Variants in DGKG observed in about 807,000 individuals in gnomAD.
The protein encoded by DGKG is DAG kinase gamma.
A neutral mutation model predicts 105.3 loss-of-function variants in DGKG; 78 were observed. The observed-to-expected ratio is 0.74, with a 90% CI of 0.62 to 0.89. The LOEUF is 0.89. DGKG is among the 40% of genes least tolerant of loss of function. The pLI, the probability that DGKG is intolerant of heterozygous loss-of-function variation, is 0.00. For synonymous variants in DGKG, 346 were observed against 367.1 expected, an observed-to-expected ratio of 0.94 and a Z score of 0.66; for missense variants, 958 against 1,020.1, an observed-to-expected ratio of 0.94 and a Z score of 0.83.
At chr3:186,281,890 C>T (rs1043881965) in intron 7 of DGKG, among the ~76,000 whole-genome samples, 1 of 152,180 alleles carries the variant, frequency 6.6e-6, no homozygotes, top group Admixed American at 6.5e-5. Context: ...CCTGGTCAGG[C>T]CACATTTGGA....
chr3:186,323,798 G>A (rs189165162), intron 1 of DGKG, among the ~76,000 whole-genome samples: 4 of 152,126 alleles, frequency 2.6e-5, no homozygotes, highest in Non-Finnish European at 4.4e-5. Context: ...TTAGCCAGGC[G>A]TGGTGGTGGG....
At chr3:186,315,230 A>G (rs1051604203) in intron 2 of DGKG, among the ~76,000 whole-genome samples, 4 of 152,178 alleles carry the variant, frequency 2.6e-5, no homozygotes, top group Non-Finnish European at 5.9e-5. Context: ...GGCAGATTTG[A>G]CCACTAGTAA....
chr3:186,297,261 G>A (rs1237083400), intron 5 of DGKG, among the ~76,000 whole-genome samples, 160 bp downstream of exon 5: 2 of 152,124 alleles, frequency 1.3e-5, no homozygotes, highest in Non-Finnish European at 2.9e-5. Context: ...CAAATGACAG[G>A]AGCCCCAGAG....
intron 16 of DGKG, 124 bp downstream of exon 16, chr3:186,260,315 G>A (rs755311467): frequency 5.8e-5 from 41 of 709,876 alleles, no homozygotes; most frequent in Non-Finnish European, 9.4e-5. Context: ...CAGAGAAAGG[G>A]AGTAAAATGG....
At position 186,203,906 on chromosome 3, in the gene DGKG, G is replaced by C. The variant is rs1348237143; in HGVS notation, c.1917+7889C>G. The stretch of plus-strand genomic sequence containing the variant: ...CTCTACCTGTGGTAGCTGAGAAGAA[G>C]GTTCAGATCATATCAGGAGAGACCA... On this transcript the variant is annotated intron_variant, in intron 21 of 24. Transcript: ENST00000265022. The surrounding 1 kb of genome is among the most constrained non-coding windows in gnomAD (Gnocchi z 4.9). Among the ~76,000 whole-genome samples the C allele has an allele frequency of 6.6e-6, 1 of 152,084 alleles. No individual in the cohort carries two copies. The highest frequency in any genetic ancestry group is 1.9e-4 in the East Asian group (1 of 5,196).
chr3:186,328,379 G>C (rs180733053), intron 1 of DGKG, among the ~76,000 whole-genome samples: 103 of 152,212 alleles, frequency 6.8e-4, no homozygotes, highest in Admixed American at 2.6e-3. Context: ...AGATTTATGG[G>C]GTCATCTAAT....
chr3:186,353,443 T>C (rs1335988010), intron 1 of DGKG, among the ~76,000 whole-genome samples: 6 of 151,690 alleles, frequency 4.0e-5, no homozygotes, highest in Non-Finnish European at 7.4e-5. Flanking sequence ...TCCTTGAACC[T>C]GGGACGCAGA....
At chr3:186,267,910 G>T in intron 12 of DGKG, 133 bp from the exon 13 acceptor site, 1 of 750,718 alleles carries the variant, frequency 1.3e-6, no homozygotes, top group Non-Finnish European at 2.3e-6. Flanking sequence ...GGCTTTGACA[G>T]TATTGCCGTG....
intron 22 of DGKG, among the ~76,000 whole-genome samples, chr3:186,169,259 G>C (rs1716702581): frequency 6.6e-6 from 1 of 152,140 alleles, no homozygotes; most frequent in South Asian, 2.1e-4. Flanking sequence ...AAACTTACTT[G>C]TATAGCATTC....
chr3:186,331,475 G>T (rs1375110911), intron 1 of DGKG, among the ~76,000 whole-genome samples: 3 of 152,224 alleles, frequency 2.0e-5, no homozygotes. Flanking sequence ...AAAGTCTTGG[G>T]ATTGCATTCT....
At chr3:186,275,487 C>A in intron 10 of DGKG, 60 bp downstream of exon 10, 5 of 1,416,862 alleles carry the variant, frequency 3.5e-6, no homozygotes, top group African/African-American at 1.4e-5. Flanking sequence ...AATGGATCAA[C>A]CAACCATGCG....
intron 1 of DGKG, among the ~76,000 whole-genome samples, chr3:186,330,357 T>C (rs539759765): frequency 6.6e-6 from 1 of 152,358 alleles, no homozygotes; most frequent in African/African-American, 2.4e-5. Flanking sequence ...ACTGTCACTA[T>C]TGTGGTCGTC....
chr3:186,323,904 T>C (rs1235876446), intron 1 of DGKG, among the ~76,000 whole-genome samples: 1 of 131,896 alleles, frequency 7.6e-6, no homozygotes, highest in Admixed American at 8.9e-5. Context: ...GCCACTGCAC[T>C]CCAGCCTGGG....
intron 24 of DGKG, among the ~76,000 whole-genome samples, chr3:186,156,128 T>C (rs1045686663): frequency 5.3e-5 from 8 of 152,220 alleles, no homozygotes; most frequent in African/African-American, 1.9e-4. Flanking sequence ...TTTTGACTTG[T>C]AGAAATTAAA....
intron 11 of DGKG, among the ~76,000 whole-genome samples, chr3:186,269,674 C>T (rs16860647): frequency 0.031 from 4,793 of 152,180 alleles, 263 homozygotes; most frequent in African/African-American, 0.11. Flanking sequence ...GTAATTATAA[C>T]GTGAAGCCGA....
chr3:186,184,243 G>A (rs1194791437), intron 22 of DGKG, among the ~76,000 whole-genome samples: 1 of 152,070 alleles, frequency 6.6e-6, no homozygotes. Flanking sequence ...ACTTAGGGTG[G>A]TTGGGTAATT....
At chr3:186,292,795 G>T (rs1223345196) in intron 5 of DGKG, among the ~76,000 whole-genome samples, 1 of 150,956 alleles carries the variant, frequency 6.6e-6, no homozygotes, top group Admixed American at 6.6e-5. Flanking sequence ...GCAACAGAGC[G>T]AGACTCCATC....
intron 10 of DGKG, among the ~76,000 whole-genome samples, 178 bp downstream of exon 10, chr3:186,275,369 C>T (rs1193632279): frequency 6.6e-6 from 1 of 152,176 alleles, no homozygotes; most frequent in South Asian, 2.1e-4. Context: ...GTCCATTGGA[C>T]TTGGGTAGGG....
intron 22 of DGKG, among the ~76,000 whole-genome samples, chr3:186,187,744 A>G (rs1407731694): frequency 6.6e-6 from 1 of 152,218 alleles, no homozygotes; most frequent in Non-Finnish European, 1.5e-5. Context: ...TCAAGAGGTC[A>G]GAGAGAAATG....
Sources: gnomAD v4.1 joint callset for allele counts (sites outside exome capture counted in the v4.1 genomes callset) on GRCh38, gnomAD v4.1.1 for gene constraint, Gnocchi (gnomAD v3.1) non-coding constraint, MANE v1.5 for transcripts, NCBI Gene and HGNC (gene_info 2026-07-23, HGNC 2026-07-21) for gene names.